Variants in C4orf17 observed in about 807,000 individuals in gnomAD.
The protein encoded by C4orf17 is uncharacterized protein C4orf17.
A neutral mutation model predicts 32.0 loss-of-function variants in C4orf17; 25 were observed. The observed-to-expected ratio is 0.78, with a 90% CI of 0.57 to 1.09. The LOEUF (loss-of-function observed/expected upper bound fraction) is 1.09, where lower values mean the gene tolerates loss of function less well. C4orf17 is among the 50% of genes least tolerant of loss of function. C4orf17 has a pLI of 0.00. For missense variants in C4orf17, 420 were observed against 420.0 expected, an observed-to-expected ratio of 1.00 and a Z score of 0.00; for synonymous variants, 149 against 145.8, an observed-to-expected ratio of 1.02 and a Z score of -0.16.
intron 2 of C4orf17, 47 bp downstream of exon 2, chr4:99,513,255 G>T: frequency 2.5e-6 from 4 of 1,605,394 alleles, no homozygotes; most frequent in Non-Finnish European, 3.4e-6. Flanking sequence ...CTCTACACTT[G>T]GGCTATTTGA....
intron 5 of C4orf17, among the ~76,000 whole-genome samples, chr4:99,532,059 A>T (rs1485893156): frequency 6.6e-6 from 1 of 152,104 alleles, no homozygotes; most frequent in African/African-American, 2.4e-5. Flanking sequence ...TATAGACATA[A>T]CACCAAAATG....
At chr4:99,529,700 C>A in intron 4 of C4orf17, 115 bp from the exon 5 acceptor site, 1 of 764,576 alleles carries the variant, frequency 1.3e-6, no homozygotes, top group African/African-American at 1.8e-5. Flanking sequence ...CCTTTTTTTA[C>A]TTTCATGTAT....
intron 5 of C4orf17, 49 bp downstream of exon 5, chr4:99,530,007 A>G (rs1182485306): frequency 2.0e-6 from 3 of 1,493,488 alleles, no homozygotes; most frequent in Non-Finnish European, 2.7e-6. Context: ...GCATGAATAT[A>G]CAAAAAAATT....
Position 99,529,902 on chromosome 4 carries a change from A to G in C4orf17, c.490A>G (p.Asn164Asp). ...SCSSGMTSTK[N>D]DVKANTICIP... is the part of the protein sequence containing the mutation. The stretch of plus-strand genomic sequence containing the variant: ...TTCTTCAGGGATGACAAGTACCAAG[A>G]ATGATGTGAAAGCAAACACCATTTG... The change falls in exon 5 of 9, where the codon AAT (asparagine) becomes GAT (aspartate). Residue 164 changes from asparagine (N) to aspartate (D), a missense_variant. By Grantham distance (23) the Asn-to-Asp change is conservative (BLOSUM62 1). Transcript: ENST00000326581. 2 of 1,613,216 alleles carry G rather than the reference A, an allele frequency of 1.2e-6. No homozygotes were observed. The highest frequency in any genetic ancestry group is 1.7e-6 in the Non-Finnish European group (2 of 1,179,460).
chr4:99,512,237 G>A (rs1285548813), intron 1 of C4orf17, among the ~76,000 whole-genome samples: 6 of 152,124 alleles, frequency 3.9e-5, no homozygotes, highest in African/African-American at 1.4e-4. Flanking sequence ...AATACAACAA[G>A]CACCAGAAAA....
At chr4:99,536,569 G>A (rs1225715817) in intron 5 of C4orf17, among the ~76,000 whole-genome samples, 1 of 152,148 alleles carries the variant, frequency 6.6e-6, no homozygotes, top group Admixed American at 6.5e-5. Context: ...GCACTCCCTG[G>A]AGCCAGCAGG....
chr4:99,522,320 G>C (rs547392282), intron 2 of C4orf17, among the ~76,000 whole-genome samples, 180 bp from the exon 3 acceptor site: 1 of 150,948 alleles, frequency 6.6e-6, no homozygotes, highest in Admixed American at 6.6e-5. Flanking sequence ...TTCAAAGAAT[G>C]TCTACCTTGC....
intron 4 of C4orf17, among the ~76,000 whole-genome samples, chr4:99,528,438 C>T (rs1312592338): frequency 6.6e-6 from 1 of 152,010 alleles, no homozygotes; most frequent in Non-Finnish European, 1.5e-5. Flanking sequence ...TATAAATTCC[C>T]CACTGAAGAT....
At chr4:99,520,341 C>A (rs1207352871) in intron 2 of C4orf17, among the ~76,000 whole-genome samples, 1 of 152,138 alleles carries the variant, frequency 6.6e-6, no homozygotes, top group Non-Finnish European at 1.5e-5. Context: ...GTGATCCGCC[C>A]GCCTCAGCCT....
At chr4:99,518,284 T>C (rs1231528536) in intron 2 of C4orf17, among the ~76,000 whole-genome samples, 2 of 151,256 alleles carry the variant, frequency 1.3e-5, no homozygotes, top group Admixed American at 6.6e-5. Flanking sequence ...CCAGGCTCAG[T>C]AGCTCACACT....
intron 6 of C4orf17, among the ~76,000 whole-genome samples, chr4:99,538,133 G>A (rs1723590980): frequency 6.6e-6 from 1 of 152,174 alleles, no homozygotes; most frequent in African/African-American, 2.4e-5. Context: ...CTTTGGTAAG[G>A]AGAACAGTAG....
At position 99,539,310 on chromosome 4, in the gene C4orf17, C is replaced by G. The variant is rs1450201859; in HGVS notation, c.776C>G (p.Pro259Arg). ...TCACCACCCACAGTTAAATTGCCCC[C>G]AAATTTTACTGCAAAATCAAAAGTG... ...VKSPPTVKLPPNFTAKSKVLT... is the reference protein window; with the variant it reads ...VKSPPTVKLPRNFTAKSKVLT... The change falls in exon 7 of 9, where the codon CCA becomes CGA. Residue 259 changes from proline to arginine, a missense_variant. Pro to Arg is a moderately radical substitution (Grantham distance 103). Coordinates refer to ENST00000326581, the MANE Select transcript of C4orf17 (RefSeq NM_032149.3). The G allele has an allele frequency of 6.2e-7, 1 of 1,614,050 alleles. No individual in the cohort carries two copies. The highest frequency in any genetic ancestry group is 8.5e-7 in the Non-Finnish European group (1 of 1,179,930).
At chr4:99,521,234 A>G (rs753002202) in intron 2 of C4orf17, among the ~76,000 whole-genome samples, 12 of 152,082 alleles carry the variant, frequency 7.9e-5, no homozygotes, top group Non-Finnish European at 1.6e-4. Flanking sequence ...TTAGACGGAC[A>G]TGATGGTGCA....
At chr4:99,541,777 T>C in intron 8 of C4orf17, 133 bp from the exon 9 acceptor site, 1 of 664,148 alleles carries the variant, frequency 1.5e-6, no homozygotes, top group South Asian at 1.9e-5. Flanking sequence ...ATATATTCTT[T>C]TGTGAATTTT....
At chr4:99,524,403 C>T in intron 3 of C4orf17, 118 bp from the exon 4 acceptor site, 1 of 567,534 alleles carries the variant, frequency 1.8e-6, no homozygotes, top group South Asian at 2.6e-5. Context: ...AAACAGATTC[C>T]TGAATTGACC....
chr4:99,511,533 A>G (rs1044506351), intron 1 of C4orf17, among the ~76,000 whole-genome samples: 1 of 152,108 alleles, frequency 6.6e-6, no homozygotes, highest in African/African-American at 2.4e-5. Context: ...ATTTAAGTCA[A>G]TTTCATCAGG....
At chr4:99,523,024 T>C (rs1328108003) in intron 3 of C4orf17, among the ~76,000 whole-genome samples, 2 of 152,172 alleles carry the variant, frequency 1.3e-5, no homozygotes, top group South Asian at 2.1e-4. Context: ...GGGGAAATGA[T>C]GTCAGACGAA....
Position 99,539,147 on chromosome 4 carries a change from T to G in C4orf17, c.629-16T>G. 1 of 1,611,432 alleles carries G rather than the reference T, an allele frequency of 6.2e-7. No homozygotes were observed. The highest frequency in any genetic ancestry group is 8.5e-7 in the Non-Finnish European group (1 of 1,177,774). On this transcript the variant is annotated splice_polypyrimidine_tract_variant and intron_variant, in intron 6 of 8. Transcript: ENST00000326581. ...CAACCTTCACTCCTCCCACCCTTTT[T>G]TGTCTTTTAAACCAGAAAAAGAGTG...
chr4:99,523,765 T>C (rs1723336137), intron 3 of C4orf17, among the ~76,000 whole-genome samples: 1 of 152,098 alleles, frequency 6.6e-6, no homozygotes, highest in South Asian at 2.1e-4. Flanking sequence ...TTAGGGCAGC[T>C]TAGGGGGATC....
Sources: allele counts gnomAD v4.1 joint callset (sites outside exome capture counted in the v4.1 genomes callset), GRCh38; gene constraint gnomAD v4.1.1; transcripts MANE v1.5; gene names NCBI Gene and HGNC (gene_info 2026-07-23, HGNC 2026-07-21).